The following PPM1L variants were observed in gnomAD, a reference collection of about 807,000 sequenced individuals.
PPM1L encodes the protein protein phosphatase, Mg2+/Mn2+ dependent 1L.
In PPM1L, 13 loss-of-function variants were observed where a neutral mutation model predicts 31.4. The observed-to-expected ratio is 0.41, with a 90% CI of 0.27 to 0.66. The LOEUF (loss-of-function observed/expected upper bound fraction) is 0.66. Among genes scored for constraint, PPM1L ranks in the 30% least tolerant of loss-of-function variants. The pLI is 0.29. For missense variants in PPM1L, 326 were observed against 453.7 expected, an observed-to-expected ratio of 0.72 and a Z score of 2.56; for synonymous variants, 184 against 175.4, an observed-to-expected ratio of 1.05 and a Z score of -0.39.
chr3:161,034,093 A>T (rs1371858416), intron 2 of PPM1L, among the ~76,000 whole-genome samples: 5 of 152,246 alleles, frequency 3.3e-5, no homozygotes, highest in South Asian at 4.1e-4. Flanking sequence ...TATGAAAAAA[A>T]AGCTCATCAT....
chr3:160,945,757 C>G (rs1183704108), intron 1 of PPM1L, among the ~76,000 whole-genome samples: 1 of 152,100 alleles, frequency 6.6e-6, no homozygotes, highest in Non-Finnish European at 1.5e-5. Flanking sequence ...GACAGCAAGA[C>G]CAACTCCTCC....
At chr3:160,988,125 G>A (rs113744372) in intron 2 of PPM1L, among the ~76,000 whole-genome samples, 6 of 152,202 alleles carry the variant, frequency 3.9e-5, no homozygotes, top group African/African-American at 1.4e-4. Flanking sequence ...CAAGAGAGGA[G>A]GAATAGGGCA....
chr3:160,883,965 G>A (rs1397216081), intron 1 of PPM1L, among the ~76,000 whole-genome samples: 3 of 151,850 alleles, frequency 2.0e-5, no homozygotes, highest in Non-Finnish European at 4.4e-5. Context: ...AGCTACTCTG[G>A]AGGCTGAGGT....
chr3:160,825,323 A>G lies in PPM1L; in HGVS notation c.399+68616A>G, dbSNP rs186905032. 1.3e-4 allele frequency among the ~76,000 whole-genome samples: 20 copies of G among 152,294 alleles called. No individual in the cohort carries two copies. In the East Asian group the frequency reaches 3.3e-3, roughly 25 times the overall value. On this transcript the variant is annotated intron_variant, in intron 1 of 3. Transcript: ENST00000498165. ...TATTAATAATATTAACAAATTGATC[A>G]TGATGATTGATAAAAATTTTAGATC...
In PPM1L at chr3:161,070,619, T is replaced by C. The variant is rs959619791; in HGVS notation, c.*1462T>C. 5 of 152,332 alleles carry C rather than the reference T, an allele frequency of 3.3e-5. No individual in the cohort carries two copies. Among genetic ancestry groups the C allele is most frequent in the Admixed American group, 6.5e-5 (1 of 15,298 alleles). 9.4% of individuals were successfully genotyped at this position (152,332 alleles called of 1,614,324 possible). Reference sequence around the variant, plus strand: ...AAAATGCTGGGTCACTCTCTTTGCCTAAGGTGACTCAAACAGCCAAACGAA... The same window carrying C: ...AAAATGCTGGGTCACTCTCTTTGCCCAAGGTGACTCAAACAGCCAAACGAA... On this transcript the variant is annotated 3_prime_UTR_variant, in exon 4 of 4. Coordinates refer to ENST00000498165, the MANE Select transcript of PPM1L (RefSeq NM_139245.4).
At chr3:160,959,011 A>G (rs1715869265) in intron 1 of PPM1L, among the ~76,000 whole-genome samples, 1 of 152,252 alleles carries the variant, frequency 6.6e-6, no homozygotes, top group Non-Finnish European at 1.5e-5. Flanking sequence ...TGTGTATAGC[A>G]GCACAATTCA....
intron 2 of PPM1L, among the ~76,000 whole-genome samples, chr3:160,990,544 T>C (rs1717101261): frequency 6.6e-6 from 1 of 152,210 alleles, no homozygotes; most frequent in South Asian, 2.1e-4. Context: ...CAGCTGCAAA[T>C]GAAGACTAAC....
At chr3:160,839,602 C>T (rs181168655) in intron 1 of PPM1L, among the ~76,000 whole-genome samples, 1 of 152,330 alleles carries the variant, frequency 6.6e-6, no homozygotes, top group African/African-American at 2.4e-5. Flanking sequence ...GGCTTCCCAA[C>T]TGGATTGGTC....
intron 2 of PPM1L, among the ~76,000 whole-genome samples, chr3:161,054,979 C>T (rs1376173636): frequency 1.3e-5 from 2 of 152,084 alleles, no homozygotes; most frequent in African/African-American, 4.8e-5. Context: ...TGATTTGAAT[C>T]GTAATTAGTA....
At position 160,756,656 on chromosome 3, in the gene PPM1L, C is replaced by A; in HGVS notation, c.348C>A (p.Ala116=). The A allele has an allele frequency of 6.2e-7, 1 of 1,614,018 alleles. No homozygotes were observed. The highest frequency in any genetic ancestry group is 8.5e-7 in the Non-Finnish European group (1 of 1,180,022). Residue 116 remains alanine, a synonymous_variant, in exon 1 of 4, where the codon GCC becomes GCA. Coordinates refer to ENST00000498165, the MANE Select transcript of PPM1L (RefSeq NM_139245.4). The surrounding 1 kb of genome is among the most constrained non-coding windows in gnomAD (Gnocchi z 6.2). ...GCTTCGAAGTTCTCACGGATCTGGC[C>A]AACAAGACGCACCCGTCCATCTTCG... ...EDRFEVLTDL[A]NKTHPSIFGI...
At chr3:160,832,285 G>A (rs377054721) in intron 1 of PPM1L, among the ~76,000 whole-genome samples, 1 of 152,142 alleles carries the variant, frequency 6.6e-6, no homozygotes, top group Non-Finnish European at 1.5e-5. Context: ...GCCAGGCAAG[G>A]CTTCTCAGAG....
At chr3:160,760,072 C>T (rs1387968952) in intron 1 of PPM1L, among the ~76,000 whole-genome samples, 1 of 152,134 alleles carries the variant, frequency 6.6e-6, no homozygotes, top group Non-Finnish European at 1.5e-5. Context: ...ACTTTTATCT[C>T]TATGAAGATG....
rs1412417255 is a variant in PPM1L at position 161,074,673 on chromosome 3, C to CTGT, written c.*5519_*5521dup. Reference sequence around the variant, plus strand: ...CTTTGTCTATTTGTTATTTTTACCACTGTTGAACAGCAAACTGTTGAGGCT... The same window carrying CTGT: ...CTTTGTCTATTTGTTATTTTTACCACTGTTGTTGAACAGCAAACTGTTGAGGCT... On this transcript the variant is annotated 3_prime_UTR_variant, in exon 4 of 4. Coordinates refer to ENST00000498165, the MANE Select transcript of PPM1L (RefSeq NM_139245.4). The CTGT allele has an allele frequency of 6.6e-6, 1 of 152,114 alleles. No individual in the cohort carries two copies. The highest frequency in any genetic ancestry group is 2.4e-5 in the African/African-American group (1 of 41,422). 9.4% of individuals were successfully genotyped at this position (152,114 alleles called of 1,614,324 possible). A position where few individuals can be genotyped will look rare whatever the true frequency, so the allele number is the denominator to read the frequency against.
At position 160,860,609 on chromosome 3, in the gene PPM1L, G is replaced by A. The variant is rs77082623; in HGVS notation, c.400-101127G>A. Among the ~76,000 whole-genome samples the A allele has an allele frequency of 5.8e-4, 88 of 152,276 alleles. No individual in the cohort carries two copies. In the East Asian group the frequency reaches 0.012, roughly 21 times the overall value. ...GACAGTGGAATCCCTGTATGGATTT[G>A]GAAGTTACAAAGCCAGGACTTTATA... is the stretch of plus-strand genomic sequence containing the variant. On this transcript the variant is annotated intron_variant, in intron 1 of 3. Coordinates refer to ENST00000498165, the MANE Select transcript of PPM1L (RefSeq NM_139245.4).
intron 2 of PPM1L, among the ~76,000 whole-genome samples, chr3:161,027,015 C>T (rs985663393): frequency 2.0e-5 from 3 of 152,272 alleles, no homozygotes; most frequent in Non-Finnish European, 2.9e-5. Flanking sequence ...GGACAAGTTA[C>T]GCAAGGTCTC....
chr3:160,930,979 A>G (rs1357450559), intron 1 of PPM1L, among the ~76,000 whole-genome samples: 1 of 152,182 alleles, frequency 6.6e-6, no homozygotes, highest in East Asian at 1.9e-4. Context: ...GAAACAGTGA[A>G]TTTTAAGGTA....
chr3:160,890,457 C>T (rs1313218889), intron 1 of PPM1L, among the ~76,000 whole-genome samples: 1 of 151,542 alleles, frequency 6.6e-6, no homozygotes, highest in African/African-American at 2.4e-5. Context: ...TCAAAATACA[C>T]CACACTACTC....
intron 1 of PPM1L, among the ~76,000 whole-genome samples, chr3:160,778,911 A>G (rs1711651242): frequency 6.6e-6 from 1 of 152,158 alleles, no homozygotes. Context: ...TGTGGTTGGT[A>G]AAGAATATGG....
intron 2 of PPM1L, among the ~76,000 whole-genome samples, chr3:160,971,858 G>A (rs557755690): frequency 6.6e-6 from 1 of 152,136 alleles, no homozygotes; most frequent in African/African-American, 2.4e-5. Flanking sequence ...TGAACTCCTG[G>A]GCTCAAGGGA....
Sources: allele counts gnomAD v4.1 joint callset (sites outside exome capture counted in the v4.1 genomes callset), GRCh38; gene constraint gnomAD v4.1.1; non-coding constraint Gnocchi (gnomAD v3.1); transcripts MANE v1.5; gene names NCBI Gene and HGNC (gene_info 2026-07-23, HGNC 2026-07-21).